SLC10A6: variants seen among roughly 807,000 people sequenced by gnomAD.
The protein encoded by SLC10A6 is sodium-dependent organic anion transporter.
Under a neutral mutation model 30.0 loss-of-function variants are expected in SLC10A6, and 27 were observed. The ratio of observed to expected loss-of-function variants is 0.90; its 90% CI spans 0.66 to 1.24. The LOEUF is 1.24. Among genes scored for constraint, SLC10A6 ranks in the 50% most tolerant of loss-of-function variants. The pLI is 0.00. For synonymous variants in SLC10A6, 166 were observed against 173.8 expected (o/e 0.95, Z 0.36); for missense variants, 439 against 457.0 (o/e 0.96, Z 0.36).
rs751152378 is a variant in SLC10A6 at position 86,849,121 on chromosome 4, C to A, written c.-6G>T. On this transcript the variant is annotated 5_prime_UTR_variant, in exon 1 of 6. It removes an upstream start codon present in the reference 5' UTR. Coordinates refer to ENST00000273905, the MANE Select transcript of SLC10A6 (RefSeq NM_197965.3). ...CTGGAACAATTGGCTCTCATCTCCTCATCTCCTTAAGGCAGCATTACAAAT... is the reference window on the plus strand; with the variant it reads ...CTGGAACAATTGGCTCTCATCTCCTAATCTCCTTAAGGCAGCATTACAAAT... 3 of 1,609,678 alleles carry A rather than the reference C, an allele frequency of 1.9e-6. No homozygotes were observed. The African/African-American group carries it at 4.0e-5, about 22-fold the overall frequency.
At position 86,823,900 on chromosome 4, in the gene SLC10A6, A is replaced by G; in HGVS notation, c.922T>C (p.Tyr308His). 1.2e-6 allele frequency: 2 copies of G among 1,604,610 alleles called. No individual in the cohort carries two copies. The highest frequency in any genetic ancestry group is 1.7e-6 in the Non-Finnish European group (2 of 1,175,038). ...TTCAATCTCCTCTTGTACGTCTGAT[A>G]TGCTAGGTGTTAAAACATACAAGTA... ...LIDGFLIVAA[Y>H]QTYKRRLKNK... is the part of the protein sequence containing the mutation. Residue 308 changes from tyrosine (Y) to histidine (H), a missense_variant and splice_region_variant, in exon 6 of 6, where the codon TAT becomes CAT. Physicochemically the swap from Tyr to His is moderately conservative, Grantham distance 83. Coordinates refer to ENST00000273905, the MANE Select transcript of SLC10A6 (RefSeq NM_197965.3).
intron 3 of SLC10A6, 94 bp downstream of exon 3, chr4:86,831,698 C>G: frequency 9.9e-7 from 1 of 1,010,616 alleles, no homozygotes; most frequent in Non-Finnish European, 1.5e-6. Flanking sequence ...TGGGGCCGTA[C>G]TCAACAAGCT....
At chr4:86,848,704 G>GAGAC in intron 1 of SLC10A6, 35 bp downstream of exon 1, 1 of 1,537,666 alleles carries the variant, frequency 6.5e-7, no homozygotes, top group Non-Finnish European at 8.7e-7. Flanking sequence ...GGCAGGATAA[G>GAGAC]AGACAGACTG....
chr4:86,825,469 T>A lies in SLC10A6; in HGVS notation c.870A>T (p.Pro290=). The change falls in exon 5 of 6, where the codon CCA becomes CCT. Residue 290 remains proline, a synonymous_variant. Transcript: ENST00000273905. ...AEHLVQMLSF[P]LAYGLFQLID... is the part of the protein sequence containing the mutation. ...TCAGCTGGAAGAGTCCATAGGCCAG[T>A]GGGAAACTCAACATCTGGACCAAGT... The A allele has an allele frequency of 6.2e-7, 1 of 1,612,320 alleles. No individual in the cohort carries two copies. The highest frequency in any genetic ancestry group is 1.1e-5 in the South Asian group (1 of 90,954).
chr4:86,837,335 A>AGGGAGGGAGGG (rs1560460500), intron 1 of SLC10A6, among the ~76,000 whole-genome samples: 2 of 112,104 alleles, frequency 1.8e-5, no homozygotes, highest in African/African-American at 1.1e-4. Flanking sequence ...GGAAGGAAGG[A>AGGGAGGGAGGG]AGGAAGGAAG....
At chr4:86,846,594 C>T (rs867057576) in intron 1 of SLC10A6, among the ~76,000 whole-genome samples, 5 of 152,058 alleles carry the variant, frequency 3.3e-5, no homozygotes, top group Non-Finnish European at 2.9e-5. Flanking sequence ...GTGGTGGGTA[C>T]GGGTACCTGT....
chr4:86,846,266 A>G (rs1746389919), intron 1 of SLC10A6, among the ~76,000 whole-genome samples: 2 of 152,192 alleles, frequency 1.3e-5, no homozygotes, highest in Non-Finnish European at 2.9e-5. Context: ...TAAAAATCTA[A>G]TATTTAGTTT....
rs77248487 is a variant in SLC10A6 at position 86,844,743 on chromosome 4, C to T, written c.377+3996G>A. 3.1e-3 allele frequency among the ~76,000 whole-genome samples: 471 copies of T among 152,214 alleles called. 7 individuals carry two copies. In the East Asian group the frequency reaches 0.054, roughly 17 times the overall value. ...ACACTGCTGTAAAGAAATACCCAAG[C>T]CTGCGTAATTTATAAAGGAAAGGGA... On this transcript the variant is annotated intron_variant, in intron 1 of 5. Transcript: ENST00000273905.
intron 1 of SLC10A6, among the ~76,000 whole-genome samples, chr4:86,837,255 GAA>G (rs1374496628): frequency 1.7e-5 from 2 of 117,762 alleles, no homozygotes; most frequent in African/African-American, 7.3e-5. Context: ...AAGAAAGAAA[GAA>G]AGAAAGAAAG....
In SLC10A6 at chr4:86,849,014, G is replaced by A; in HGVS notation, c.102C>T (p.Phe34=). The A allele has an allele frequency of 1.2e-6, 2 of 1,614,148 alleles. No homozygotes were observed. The highest frequency in any genetic ancestry group is 1.7e-6 in the Non-Finnish European group (2 of 1,180,040). The part of the protein sequence containing the change: ...LEVHGNLELV[F]TVVSTVMMGL... Reference sequence around the variant, plus strand: ...CCATCATCACAGTGGACACCACTGTGAAAACGAGCTCCAGGTTTCCATGCA... The same window carrying A: ...CCATCATCACAGTGGACACCACTGTAAAAACGAGCTCCAGGTTTCCATGCA... The change falls in exon 1 of 6, where the codon TTC becomes TTT. Residue 34 remains phenylalanine, a synonymous_variant. Transcript: ENST00000273905.
At chr4:86,844,047 A>G (rs918670391) in intron 1 of SLC10A6, among the ~76,000 whole-genome samples, 19 of 152,170 alleles carry the variant, frequency 1.2e-4, no homozygotes, top group African/African-American at 3.9e-4. Flanking sequence ...GTGTGGTGGC[A>G]GGCGCCTGTA....
chr4:86,847,601 C>T (rs1231737468), intron 1 of SLC10A6, among the ~76,000 whole-genome samples: 2 of 151,920 alleles, frequency 1.3e-5, no homozygotes, highest in Non-Finnish European at 1.5e-5. Flanking sequence ...AAAACACTGC[C>T]TTGGGAAAGT....
intron 1 of SLC10A6, among the ~76,000 whole-genome samples, chr4:86,836,691 T>G (rs1320888039): frequency 1.3e-5 from 2 of 152,210 alleles, no homozygotes; most frequent in African/African-American, 2.4e-5. Flanking sequence ...ACTATATTGT[T>G]ATTACATTAT....
chr4:86,842,792 TTCTTTC>T (rs1560461766), intron 1 of SLC10A6, among the ~76,000 whole-genome samples: 1 of 3,720 alleles, frequency 2.7e-4, no homozygotes, highest in Non-Finnish European at 4.1e-4. Context: ...CCTCTTTTCT[TTCTTTC>T]TTTCTTTCTT....
intron 1 of SLC10A6, among the ~76,000 whole-genome samples, chr4:86,837,056 G>T (rs985014918): frequency 1.3e-5 from 2 of 151,452 alleles, no homozygotes; most frequent in Admixed American, 1.3e-4. Flanking sequence ...AATATACTGT[G>T]TTTTTGTATT....
intron 3 of SLC10A6, among the ~76,000 whole-genome samples, chr4:86,830,270 T>C (rs895411583): frequency 6.6e-6 from 1 of 152,134 alleles, no homozygotes; most frequent in Non-Finnish European, 1.5e-5. Context: ...GGATGGTGCA[T>C]GCCTGTAGTG....
In SLC10A6 at chr4:86,848,791, C is replaced by T. The variant is rs144612845; in HGVS notation, c.325G>A (p.Gly109Ser). The T allele has an allele frequency of 7.2e-5, 116 of 1,612,348 alleles. No homozygotes were observed. The African/African-American group carries it at 1.3e-3, about 19-fold the overall frequency. The change falls in exon 1 of 6, where the codon GGC (glycine) becomes AGC (serine). Residue 109 changes from glycine (G) to serine (S), a missense_variant. Transcript: ENST00000273905. ...AVLIMGCCPG[G>S]TISNIFTFWV... Reference sequence around the variant, plus strand: ...AAGGTGAAAATGTTAGAGATGGTGCCCCCCGGGCAGCAGCCCATGATGAGA... The same window carrying T: ...AAGGTGAAAATGTTAGAGATGGTGCTCCCCGGGCAGCAGCCCATGATGAGA...
chr4:86,842,121 T>C (rs2149413447), intron 1 of SLC10A6, among the ~76,000 whole-genome samples: 1 of 152,348 alleles, frequency 6.6e-6, no homozygotes, highest in East Asian at 1.9e-4. Flanking sequence ...GTCTCATGAA[T>C]TCAGTCTCCG....
At chr4:86,831,981 A>G in intron 2 of SLC10A6, 101 bp from the exon 3 acceptor site, 1 of 925,586 alleles carries the variant, frequency 1.1e-6, no homozygotes, top group Non-Finnish European at 1.7e-6. Flanking sequence ...CTTTAAACTG[A>G]CATTTTCCCA....
Sources: gnomAD v4.1 joint callset for allele counts (sites outside exome capture counted in the v4.1 genomes callset) on GRCh38, gnomAD v4.1.1 for gene constraint, MANE v1.5 for transcripts, NCBI Gene and HGNC (gene_info 2026-07-23, HGNC 2026-07-21) for gene names.